The following BMPER variants were observed in gnomAD, a reference collection of about 807,000 sequenced individuals.
BMPER encodes the protein BMP-binding endothelial regulator protein.
BMPER carries 45 observed loss-of-function variants against 87.3 expected under a neutral mutation model. That is an observed-to-expected ratio of 0.52 (90% CI 0.41 to 0.66). BMPER has a LOEUF of 0.66. Among genes scored for constraint, BMPER ranks in the 30% least tolerant of loss-of-function variants. The pLI is 0.00. For synonymous variants in BMPER, 326 were observed against 316.2 expected, an observed-to-expected ratio of 1.03 and a Z score of -0.33; for missense variants, 784 against 867.5, an observed-to-expected ratio of 0.90 and a Z score of 1.21.
At chr7:34,119,453 G>C (rs918386728) in intron 13 of BMPER, among the ~76,000 whole-genome samples, 1 of 152,104 alleles carries the variant, frequency 6.6e-6, no homozygotes, top group South Asian at 2.1e-4. Flanking sequence ...AATACTTCTA[G>C]TGGTTGAAAA....
At chr7:34,026,282 G>A (rs1184821190) in intron 6 of BMPER, among the ~76,000 whole-genome samples, 1 of 152,124 alleles carries the variant, frequency 6.6e-6, no homozygotes, top group Middle Eastern at 3.4e-3. Context: ...TGAGGCAAAA[G>A]GATGATTTTA....
intron 13 of BMPER, among the ~76,000 whole-genome samples, chr7:34,139,756 A>G (rs1199914740): frequency 6.6e-6 from 1 of 152,062 alleles, no homozygotes; most frequent in Non-Finnish European, 1.5e-5. Context: ...CCTCATATTT[A>G]AAAATATATT....
intron 13 of BMPER, among the ~76,000 whole-genome samples, chr7:34,108,882 C>T (rs1180672697): frequency 6.6e-6 from 1 of 152,138 alleles, no homozygotes. Flanking sequence ...CTACCAGGTG[C>T]TTTATTCTTA....
chr7:33,929,400 C>G (rs1252947441), intron 2 of BMPER, among the ~76,000 whole-genome samples: 1 of 152,130 alleles, frequency 6.6e-6, no homozygotes, highest in African/African-American at 2.4e-5. Context: ...TTGCAAATGA[C>G]CAGGCACTCA....
At chr7:34,123,889 T>C (rs1470310132) in intron 13 of BMPER, among the ~76,000 whole-genome samples, 2 of 152,236 alleles carry the variant, frequency 1.3e-5, no homozygotes, top group East Asian at 1.9e-4. Context: ...GTTGAGACTA[T>C]ATCTTTTAAT....
At chr7:34,041,832 A>G (rs1375244716) in intron 6 of BMPER, among the ~76,000 whole-genome samples, 2 of 152,210 alleles carry the variant, frequency 1.3e-5, no homozygotes, top group African/African-American at 4.8e-5. Context: ...CATAGGAAAA[A>G]TTGCTCTAGA....
chr7:34,070,655 A>C (rs1788712180), intron 11 of BMPER, among the ~76,000 whole-genome samples: 1 of 152,084 alleles, frequency 6.6e-6, no homozygotes, highest in Non-Finnish European at 1.5e-5. Context: ...TAATATTTTC[A>C]AAACAAGGTT....
At chr7:34,036,418 C>G (rs1391406154) in intron 6 of BMPER, among the ~76,000 whole-genome samples, 1 of 152,088 alleles carries the variant, frequency 6.6e-6, no homozygotes, top group Non-Finnish European at 1.5e-5. Context: ...ATTTATTGAT[C>G]GTTTCAGAGA....
At chr7:34,024,389 ATATATATATATATATATATATATAT>A (rs1787297721) in intron 6 of BMPER, among the ~76,000 whole-genome samples, 1 of 10,258 alleles carries the variant, frequency 9.7e-5, no homozygotes, top group Non-Finnish European at 1.8e-4. Flanking sequence ...AAAACAATAT[ATATATATATATATATATATATATAT>A]ATATATATAT....
At chr7:34,063,258 A>G (rs1371224280) in intron 11 of BMPER, among the ~76,000 whole-genome samples, 1 of 152,208 alleles carries the variant, frequency 6.6e-6, no homozygotes, top group African/African-American at 2.4e-5. Context: ...CAGCTTTCAC[A>G]TGGGCACAGG....
intron 2 of BMPER, among the ~76,000 whole-genome samples, chr7:33,911,739 A>G (rs932290886): frequency 2.6e-5 from 4 of 152,200 alleles, no homozygotes; most frequent in African/African-American, 9.7e-5. Context: ...TCTAGTTCAC[A>G]GAGTTGCTAT....
intron 3 of BMPER, among the ~76,000 whole-genome samples, chr7:33,955,076 T>C (rs1025984274): frequency 1.3e-5 from 2 of 152,182 alleles, no homozygotes; most frequent in Non-Finnish European, 2.9e-5. Flanking sequence ...TTTGTGTTTT[T>C]AGTAGAGACG....
rs6980259 is a variant in BMPER at position 34,088,134 on chromosome 7, G to A, written c.1745+2042G>A. ...TTGGGCAGCTCATGAGAATGTTCTT[G>A]GGATCCTTGTGCATGGAGATTTAGA... On this transcript the variant is annotated intron_variant, in intron 13 of 14. Coordinates refer to ENST00000649409, the MANE Select transcript of BMPER (RefSeq NM_001365308.1). 8.1e-3 allele frequency among the ~76,000 whole-genome samples: 1,230 copies of A among 152,300 alleles called. 15 individuals carry two copies. The highest frequency in any genetic ancestry group is 0.026 in the African/African-American group (1,086 of 41,554).
rs574441878 is a variant in BMPER at position 33,999,977 on chromosome 7, T to A, written c.576+25193T>A. ...GGAGAGTGCCATAACCAGAGCCTAA[T>A]GATCAAGATAGAGTTTTATATTTGT... On this transcript the variant is annotated intron_variant, in intron 6 of 14. Coordinates refer to ENST00000649409, the MANE Select transcript of BMPER (RefSeq NM_001365308.1). Among the ~76,000 whole-genome samples, 16 of 152,332 alleles carry A rather than the reference T, an allele frequency of 1.1e-4. No individual in the cohort carries two copies. The South Asian group carries it at 3.3e-3, about 32-fold the overall frequency.
intron 13 of BMPER, among the ~76,000 whole-genome samples, chr7:34,129,614 G>GAAAGAAAGAAAGAA (rs1207633991): frequency 2.0e-5 from 1 of 48,850 alleles, no homozygotes; most frequent in Non-Finnish European, 4.1e-5. Flanking sequence ...GAGAGAAAGA[G>GAAAGAAAGAAAGAA]AGAGAGAGAG....
chr7:34,089,571 C>T (rs1789320535), intron 13 of BMPER, among the ~76,000 whole-genome samples: 1 of 152,092 alleles, frequency 6.6e-6, no homozygotes, highest in African/African-American at 2.4e-5. Context: ...GCAACCTCTG[C>T]CCCACAGGTT....
intron 13 of BMPER, among the ~76,000 whole-genome samples, chr7:34,106,041 C>T (rs1041345750): frequency 2.6e-5 from 4 of 152,098 alleles, no homozygotes; most frequent in African/African-American, 7.2e-5. Flanking sequence ...AGCCTTATGC[C>T]GAGTCAGGAG....
chr7:34,111,164 T>A (rs536141451), intron 13 of BMPER, among the ~76,000 whole-genome samples: 2 of 152,328 alleles, frequency 1.3e-5, no homozygotes, highest in Admixed American at 6.5e-5. Flanking sequence ...TTTTTATTAT[T>A]TTTTCGTAAG....
intron 2 of BMPER, 98 bp from the exon 3 acceptor site, chr7:33,937,191 A>G (rs1784623093): frequency 1.6e-5 from 21 of 1,280,296 alleles, no homozygotes; most frequent in Non-Finnish European, 2.4e-5. Flanking sequence ...AGTGAAGGCC[A>G]GATAAGAGTG....
Sources: gnomAD v4.1 joint callset for allele counts (sites outside exome capture counted in the v4.1 genomes callset) on GRCh38, gnomAD v4.1.1 for gene constraint, MANE v1.5 for transcripts, NCBI Gene and HGNC (gene_info 2026-07-23, HGNC 2026-07-21) for gene names.